The following PAGE2B variants were observed in gnomAD, a reference collection of about 807,000 sequenced individuals.
The protein encoded by PAGE2B is putative G antigen family E member 3.
Under a neutral mutation model 7.6 loss-of-function variants are expected in PAGE2B, and 5 were observed. The ratio of observed to expected loss-of-function variants is 0.66; its 90% confidence interval spans 0.34 to 1.38. The LOEUF is 1.38. Ranked by LOEUF, PAGE2B falls within the 40% of genes most tolerant of loss-of-function variation. The pLI, the probability that PAGE2B is intolerant of heterozygous loss-of-function variation, is 0.04. For synonymous variants in PAGE2B, 29 were observed against 26.7 expected (o/e 1.09, Z -0.27); for missense variants, 70 against 78.4 (o/e 0.89, Z 0.41).
At chrX:55,041,242 C>T in the PAGE2B span, among the ~76,000 whole-genome samples, 5 of 108,194 alleles carry the variant, frequency 4.6e-5, no homozygotes, top group African/African-American at 6.8e-5. Flanking sequence ...CCACCATGCC[C>T]GGCTAATTTT....
the PAGE2B span, among the ~76,000 whole-genome samples, chrX:55,062,530 T>C: frequency 8.9e-6 from 1 of 111,774 alleles, no homozygotes; most frequent in Non-Finnish European, 1.9e-5. Context: ...GTTGCAAATG[T>C]TTGTCCCATT....
At chrX:55,046,699 G>C in the PAGE2B span, among the ~76,000 whole-genome samples, 1 of 111,447 alleles carries the variant, frequency 9.0e-6, no homozygotes, top group Non-Finnish European at 1.9e-5. Flanking sequence ...GTTGTTCCTG[G>C]CAACGTTGAG....
the PAGE2B span, among the ~76,000 whole-genome samples, chrX:55,037,819 C>T: frequency 9.9e-6 from 1 of 100,534 alleles, no homozygotes; most frequent in Non-Finnish European, 2.0e-5. Context: ...CCAAACACCG[C>T]ATGTTCTCAC....
chrX:55,038,805 C>G, the PAGE2B span, among the ~76,000 whole-genome samples: 1 of 110,998 alleles, frequency 9.0e-6, no homozygotes, highest in Non-Finnish European at 1.9e-5. Context: ...GTTTGTTGTA[C>G]TAGTTCATGT....
the PAGE2B span, among the ~76,000 whole-genome samples, chrX:55,037,316 G>C: frequency 8.9e-6 from 1 of 111,957 alleles, no homozygotes; most frequent in Non-Finnish European, 1.9e-5. Context: ...CATCATCACT[G>C]GCCATCAGAG....
the PAGE2B span, among the ~76,000 whole-genome samples, chrX:55,041,871 C>A: frequency 9.0e-6 from 1 of 111,463 alleles, no homozygotes; most frequent in Non-Finnish European, 1.9e-5. Context: ...GGAGCTCAGA[C>A]CCGGCAGCAA....
chrX:55,053,461 C>T, the PAGE2B span, among the ~76,000 whole-genome samples: 1 of 111,833 alleles, frequency 8.9e-6, no homozygotes, highest in African/African-American at 3.3e-5. Flanking sequence ...CAGCAAACCA[C>T]CATGGCACCC....
the PAGE2B span, among the ~76,000 whole-genome samples, chrX:55,065,801 A>G: frequency 8.9e-6 from 1 of 112,410 alleles, no homozygotes; most frequent in Admixed American, 9.5e-5. Context: ...CACTGATTGC[A>G]TAAAAAACCC....
At chrX:55,043,694 G>A in the PAGE2B span, among the ~76,000 whole-genome samples, 5 of 111,230 alleles carry the variant, frequency 4.5e-5, no homozygotes, top group African/African-American at 1.6e-4. Flanking sequence ...AGGGCCGGGC[G>A]CAGTGGCTCT....
At chrX:55,061,209 G>T in the PAGE2B span, among the ~76,000 whole-genome samples, 1 of 110,978 alleles carries the variant, frequency 9.0e-6, no homozygotes, top group East Asian at 2.8e-4. Flanking sequence ...TTTTAAAATA[G>T]TGATTTGTAA....
chrX:55,049,342 T>C, the PAGE2B span, among the ~76,000 whole-genome samples: 4,043 of 110,532 alleles, frequency 0.037, 90 homozygotes, highest in Non-Finnish European at 0.061. Flanking sequence ...GGGAGGATTC[T>C]CTCTTTTTCT....
At chrX:55,074,643 A>T (rs1313554995), upstream of PAGE2B, among the ~76,000 whole-genome samples, 1 of 112,518 alleles carries the variant, frequency 8.9e-6, no homozygotes, top group African/African-American at 3.2e-5. Context: ...AGACAATTGC[A>T]AGCATGACAG....
intron 1 of PAGE2B, among the ~76,000 whole-genome samples, chrX:55,075,559 A>T (rs911294757): frequency 2.7e-5 from 3 of 111,004 alleles, no homozygotes; most frequent in Non-Finnish European, 5.7e-5. Flanking sequence ...GTGTCCCGTG[A>T]GGAGCATAAC....
At chrX:55,046,213 A>C in the PAGE2B span, among the ~76,000 whole-genome samples, 4 of 111,491 alleles carry the variant, frequency 3.6e-5, no homozygotes, top group Admixed American at 3.8e-4. Context: ...TCCCGGGTTC[A>C]AGCAATTCTC....
the PAGE2B span, among the ~76,000 whole-genome samples, chrX:55,065,603 G>A: frequency 9.0e-6 from 1 of 111,466 alleles, no homozygotes; most frequent in African/African-American, 3.3e-5. Flanking sequence ...TGGTTGTTTT[G>A]TGTGTCTTCT....
chrX:55,050,379 C>G, the PAGE2B span, among the ~76,000 whole-genome samples: 1 of 109,395 alleles, frequency 9.1e-6, no homozygotes, highest in Non-Finnish European at 1.9e-5. Context: ...CTTTCTGTCT[C>G]ATTGATCTGT....
chrX:55,041,455 T>C, the PAGE2B span, among the ~76,000 whole-genome samples: 1 of 112,320 alleles, frequency 8.9e-6, no homozygotes, highest in Non-Finnish European at 1.9e-5. Flanking sequence ...TTCCTAATAA[T>C]ATACAAGTTA....
the PAGE2B span, among the ~76,000 whole-genome samples, chrX:55,068,467 A>G: frequency 8.9e-6 from 1 of 111,944 alleles, no homozygotes; most frequent in Non-Finnish European, 1.9e-5. Flanking sequence ...GAAGTCAGGT[A>G]GCATGATGTC....
At chrX:55,067,926 G>A in the PAGE2B span, among the ~76,000 whole-genome samples, 3 of 112,107 alleles carry the variant, frequency 2.7e-5, no homozygotes, top group African/African-American at 6.5e-5. Context: ...TTATAAATCT[G>A]TTTAAGTTCT....
Sources: gnomAD v4.1 joint callset for allele counts (sites outside exome capture counted in the v4.1 genomes callset) on GRCh38, gnomAD v4.1.1 for gene constraint, MANE v1.5 for transcripts, NCBI Gene and HGNC (gene_info 2026-07-23, HGNC 2026-07-21) for gene names.